The following RBMS3 variants were observed in gnomAD, a reference collection of about 807,000 sequenced individuals.
The protein encoded by RBMS3 is RNA binding motif single stranded interacting protein 3.
Under a neutral mutation model 66.8 loss-of-function variants are expected in RBMS3, and 27 were observed. The ratio of observed to expected loss-of-function variants is 0.40; its 90% CI spans 0.30 to 0.56. The LOEUF (loss-of-function observed/expected upper bound fraction) is 0.56, where lower values mean the gene tolerates loss of function less well. Ranked by LOEUF, RBMS3 falls within the 20% of genes least tolerant of loss-of-function variation. RBMS3 has a pLI of 0.40. For synonymous variants in RBMS3, 188 were observed against 183.0 expected, an observed-to-expected ratio of 1.03 and a Z score of -0.22; for missense variants, 513 against 549.5, an observed-to-expected ratio of 0.93 and a Z score of 0.66.
intron 12 of RBMS3, among the ~76,000 whole-genome samples, chr3:29,950,917 A>G (rs892741092): frequency 1.3e-5 from 2 of 151,856 alleles, no homozygotes; most frequent in African/African-American, 4.8e-5. Context: ...ATGAATGAAT[A>G]TACTTATTTT....
intron 10 of RBMS3, among the ~76,000 whole-genome samples, chr3:29,930,755 A>G (rs2061099318): frequency 6.6e-6 from 1 of 151,622 alleles, no homozygotes; most frequent in South Asian, 2.1e-4. Context: ...TATATGTCTC[A>G]TATAGCATTA....
intron 2 of RBMS3, among the ~76,000 whole-genome samples, chr3:29,441,495 C>T (rs2041618209): frequency 6.6e-6 from 1 of 152,080 alleles, no homozygotes; most frequent in South Asian, 2.1e-4. Flanking sequence ...TAAACTGATA[C>T]TCAAAAGGGT....
At chr3:29,878,176 A>T (rs757141545) in intron 7 of RBMS3, among the ~76,000 whole-genome samples, 3 of 152,016 alleles carry the variant, frequency 2.0e-5, no homozygotes, top group Non-Finnish European at 4.4e-5. Flanking sequence ...CTCTGAAATG[A>T]CAGGAAGCGG....
At chr3:29,447,951 C>T (rs143525765) in intron 2 of RBMS3, among the ~76,000 whole-genome samples, 118 of 152,260 alleles carry the variant, frequency 7.7e-4, no homozygotes, top group African/African-American at 2.7e-3. Flanking sequence ...TAACATTATT[C>T]GTTTACCTGC....
At chr3:29,689,916 C>CA in intron 4 of RBMS3, among the ~76,000 whole-genome samples, 1 of 10,644 alleles carries the variant, frequency 9.4e-5, no homozygotes, top group Non-Finnish European at 2.1e-4. Flanking sequence ...CCTATCTCTA[C>CA]CAAAAAAAAA....
At chr3:29,583,223 G>A (rs567771061) in intron 3 of RBMS3, among the ~76,000 whole-genome samples, 11 of 152,140 alleles carry the variant, frequency 7.2e-5, no homozygotes, top group Admixed American at 3.9e-4. Flanking sequence ...TAGTCCTGGA[G>A]GTCAACATCT....
In RBMS3 at chr3:29,295,336, TATATATATAC is replaced by T. The variant is rs1559467385; in HGVS notation, c.75+13590_75+13599del. 9.4e-5 allele frequency among the ~76,000 whole-genome samples: 13 copies of T among 138,354 alleles called. 2 individuals carry two copies. The highest frequency in any genetic ancestry group is 2.0e-4 in the East Asian group (1 of 4,990). The allele number at this position is 138,354 out of a possible 152,430, so 90.8% of individuals were successfully genotyped here. On this transcript the variant is annotated intron_variant, in intron 1 of 14. Coordinates refer to ENST00000383767, the MANE Select transcript of RBMS3 (RefSeq NM_001003793.3). ...ATATACATATATATATACACACACA[TATATATATAC>T]ATATATATATACACACACATATATA...
intron 4 of RBMS3, among the ~76,000 whole-genome samples, chr3:29,677,522 G>A (rs1465704037): frequency 6.6e-6 from 1 of 151,908 alleles, no homozygotes; most frequent in Non-Finnish European, 1.5e-5. Context: ...TTTGTTTGGT[G>A]TTATTTTTTT....
chr3:29,999,440 G>C (rs1699467576), intron 14 of RBMS3, among the ~76,000 whole-genome samples: 1 of 152,130 alleles, frequency 6.6e-6, no homozygotes, highest in African/African-American at 2.4e-5. Flanking sequence ...TATAAATCAT[G>C]CTGCTATAAA....
intron 6 of RBMS3, among the ~76,000 whole-genome samples, chr3:29,806,708 T>C (rs372872823): frequency 6.6e-6 from 1 of 151,974 alleles, no homozygotes; most frequent in African/African-American, 2.4e-5. Context: ...TTTATAATTA[T>C]TACAAGGTGA....
chr3:29,709,931 T>C (rs1309864040), intron 4 of RBMS3, among the ~76,000 whole-genome samples: 3 of 152,192 alleles, frequency 2.0e-5, no homozygotes, highest in African/African-American at 7.2e-5. Context: ...ATAGAGTAGA[T>C]ATAGGGTCGG....
chr3:30,008,436 C>A lies in RBMS3; in HGVS notation c.*4574C>A, dbSNP rs1699865049. The stretch of plus-strand genomic sequence containing the variant: ...TGTACGTGTATAACAACATTCAGCA[C>A]ATTTGAGGAATCACACACTATAATA... On this transcript the variant is annotated 3_prime_UTR_variant, in exon 15 of 15. Transcript: ENST00000383767. 1 of 152,032 alleles carries A rather than the reference C, an allele frequency of 6.6e-6. No homozygotes were observed. The highest frequency in any genetic ancestry group is 1.5e-5 in the Non-Finnish European group (1 of 67,952). The allele number at this position is 152,032 out of a possible 1,614,324, so 9.4% of individuals were successfully genotyped here. A position where few individuals can be genotyped will look rare whatever the true frequency, so the allele number is the denominator to read the frequency against.
intron 1 of RBMS3, among the ~76,000 whole-genome samples, chr3:29,324,444 T>C (rs922298640): frequency 1.3e-5 from 2 of 152,214 alleles, no homozygotes; most frequent in African/African-American, 4.8e-5. Context: ...TAATTGGTTC[T>C]CTTTCAAAAC....
At chr3:29,308,503 A>C (rs913897409) in intron 1 of RBMS3, among the ~76,000 whole-genome samples, 2 of 151,772 alleles carry the variant, frequency 1.3e-5, no homozygotes, top group Non-Finnish European at 2.9e-5. Context: ...AATGCTTACT[A>C]TGTGATGCAG....
chr3:29,323,260 A>G (rs2035115923), intron 1 of RBMS3, among the ~76,000 whole-genome samples: 1 of 147,934 alleles, frequency 6.8e-6, no homozygotes, highest in South Asian at 2.3e-4. Flanking sequence ...TTTTGAAGTA[A>G]CATCAGGTAT....
intron 10 of RBMS3, among the ~76,000 whole-genome samples, chr3:29,923,428 A>G (rs1280803680): frequency 6.6e-6 from 1 of 152,206 alleles, no homozygotes; most frequent in Non-Finnish European, 1.5e-5. Context: ...TTCTGTCTCT[A>G]TAATAGGAAT....
At chr3:29,526,856 C>T (rs751886346) in intron 3 of RBMS3, among the ~76,000 whole-genome samples, 3 of 149,018 alleles carry the variant, frequency 2.0e-5, no homozygotes, top group Admixed American at 1.4e-4. Flanking sequence ...ATGTCTCTTT[C>T]ATTGCCTGTT....
In RBMS3 at chr3:30,004,029, T is replaced by C; in HGVS notation, c.*167T>C. 2.3e-6 allele frequency: 1 copy of C among 440,534 alleles called. No individual in the cohort carries two copies. The highest frequency in any genetic ancestry group is 4.3e-5 in the Admixed American group (1 of 23,068). 27.3% of individuals were successfully genotyped at this position (440,534 alleles called of 1,614,324 possible). ...TTACCCAATGAAAGCAAAGTTTTTATGTGCTGTGCAAATGGTCTTCATGTG... is the reference window on the plus strand; with the variant it reads ...TTACCCAATGAAAGCAAAGTTTTTACGTGCTGTGCAAATGGTCTTCATGTG... On this transcript the variant is annotated 3_prime_UTR_variant, in exon 15 of 15. Coordinates refer to ENST00000383767, the MANE Select transcript of RBMS3 (RefSeq NM_001003793.3).
At chr3:29,428,223 C>A (rs1444581988) in intron 1 of RBMS3, among the ~76,000 whole-genome samples, 1 of 151,786 alleles carries the variant, frequency 6.6e-6, no homozygotes, top group Non-Finnish European at 1.5e-5. Flanking sequence ...TTTCCCAACC[C>A]TACAGGGGGA....
Sources: allele counts gnomAD v4.1 joint callset (sites outside exome capture counted in the v4.1 genomes callset), GRCh38; gene constraint gnomAD v4.1.1; transcripts MANE v1.5; gene names NCBI Gene and HGNC (gene_info 2026-07-23, HGNC 2026-07-21).